Variants in PTPRN2 observed in about 807,000 individuals in gnomAD.
The protein encoded by PTPRN2 is protein tyrosine phosphatase receptor type N2.
Under a neutral mutation model 118.8 loss-of-function variants are expected in PTPRN2, and 74 were observed. The observed-to-expected ratio is 0.62, with a 90% confidence interval of 0.52 to 0.76. PTPRN2 has a LOEUF of 0.76. Among genes scored for constraint, PTPRN2 ranks in the 30% least tolerant of loss-of-function variants. The probability of loss-of-function intolerance (pLI) is 0.00; values close to 1 mark genes in which losing one functional copy is unlikely to be tolerated. For synonymous variants in PTPRN2, 641 were observed against 608.0 expected, an observed-to-expected ratio of 1.05 and a Z score of -0.80; for missense variants, 1,481 against 1,394.4, an observed-to-expected ratio of 1.06 and a Z score of -0.99.
Position 157,617,934 on chromosome 7 carries a change from TATC to T in PTPRN2, c.2344+3425_2344+3427del, listed in dbSNP as rs1433188063. ...TGTTTAGGATATGGCACCAAAATAG[TATC>T]ATATCCCTGTTCTTCATCTGAAATG... is the stretch of plus-strand genomic sequence containing the variant. On this transcript the variant is annotated intron_variant, in intron 15 of 22. Coordinates refer to ENST00000389418, the MANE Select transcript of PTPRN2 (RefSeq NM_002847.5). The surrounding 1 kb of genome is among the most constrained non-coding windows in gnomAD (Gnocchi z 7.5). 2.6e-5 allele frequency: 4 copies of T among 152,284 alleles called. No homozygotes were observed. The highest frequency in any genetic ancestry group is 1.3e-4 in the Admixed American group (2 of 15,290). 9.4% of individuals were successfully genotyped at this position (152,284 alleles called of 1,614,324 possible). A position where few individuals can be genotyped will look rare whatever the true frequency, so the allele number is the denominator to read the frequency against.
In PTPRN2 at chr7:157,678,504, G is replaced by A. The variant is rs138737544; in HGVS notation, c.2001+4221C>T. Among the ~76,000 whole-genome samples, 962 of 152,308 alleles carry A rather than the reference G, an allele frequency of 6.3e-3. 6 individuals are homozygous for A. The highest frequency in any genetic ancestry group is 0.01 in the Non-Finnish European group (684 of 68,022). ...CAGAACTCAGCTTTCTGCACCGGGG[G>A]TAAGAAGTCAGGGTGCATTTGGGAC... On this transcript the variant is annotated intron_variant, in intron 13 of 22. Transcript: ENST00000389418.
intron 11 of PTPRN2, among the ~76,000 whole-genome samples, chr7:157,942,929 G>C (rs1800238743): frequency 6.6e-6 from 1 of 152,140 alleles, no homozygotes; most frequent in African/African-American, 2.4e-5. Context: ...CACTCCCAAA[G>C]TCAAACACAC....
intron 22 of PTPRN2, among the ~76,000 whole-genome samples, chr7:157,544,002 G>A (rs1244068623): frequency 6.6e-6 from 1 of 152,098 alleles, no homozygotes; most frequent in Non-Finnish European, 1.5e-5. Context: ...GAGAGAGATG[G>A]AGAGCGGTGG....
At chr7:158,556,782 CTCCCACGCAGGTCAG>C (rs1261056157) in intron 1 of PTPRN2, among the ~76,000 whole-genome samples, 8 of 135,544 alleles carry the variant, frequency 5.9e-5, no homozygotes, top group African/African-American at 2.3e-4. Context: ...ACGCAGGTCG[CTCCCACGCAGGTCAG>C]GCGGCTCCCG....
At chr7:158,440,773 ATAG>A (rs1247857522) in intron 2 of PTPRN2, among the ~76,000 whole-genome samples, 5 of 116,610 alleles carry the variant, frequency 4.3e-5, no homozygotes, top group South Asian at 3.2e-4. Flanking sequence ...GATGTTAGTG[ATAG>A]TGGTGATGGT....
intron 12 of PTPRN2, among the ~76,000 whole-genome samples, chr7:157,809,863 G>A (rs1805873514): frequency 6.6e-6 from 1 of 152,216 alleles, no homozygotes; most frequent in Admixed American, 6.5e-5. Context: ...CCGTCTCACT[G>A]GCCCAGTCCT....
rs1814553472 is a variant in PTPRN2, at chr7:158,415,181, C to T, written c.163+74554G>A. Among the ~76,000 whole-genome samples, 3 of 152,236 alleles carry T rather than the reference C, an allele frequency of 2.0e-5. No individual in the cohort carries two copies. The South Asian group carries it at 6.2e-4, about 32-fold the overall frequency. ...AGGCCAGAAACCACACCTCAACTCC[C>T]TGCTTCCCAATTAATCTTTACTCTG... is the stretch of plus-strand genomic sequence containing the variant. On this transcript the variant is annotated intron_variant, in intron 2 of 22. Transcript: ENST00000389418.
At chr7:158,215,814 A>G (rs952060942) in intron 3 of PTPRN2, among the ~76,000 whole-genome samples, 3 of 152,188 alleles carry the variant, frequency 2.0e-5, no homozygotes, top group Non-Finnish European at 4.4e-5. Context: ...GGAAATAAAG[A>G]TATCCCCAGA....
At chr7:158,299,755 C>T (rs1183270641) in intron 3 of PTPRN2, among the ~76,000 whole-genome samples, 1 of 152,194 alleles carries the variant, frequency 6.6e-6, no homozygotes, top group Non-Finnish European at 1.5e-5. Context: ...TGCCACAGAG[C>T]TCCCTCACCT....
At chr7:158,386,460 C>A (rs4562259) in intron 2 of PTPRN2, among the ~76,000 whole-genome samples, 33 of 152,118 alleles carry the variant, frequency 2.2e-4, no homozygotes, top group Admixed American at 6.6e-4. Flanking sequence ...CAGGAGCTGC[C>A]TCCGTTCATC....
At chr7:158,005,316 C>T (rs1157057416) in intron 11 of PTPRN2, among the ~76,000 whole-genome samples, 6 of 152,102 alleles carry the variant, frequency 3.9e-5, no homozygotes, top group African/African-American at 7.2e-5. Context: ...TCATGTGATC[C>T]GCTCAACTCA....
At chr7:158,023,364 C>G (rs1164463592) in intron 11 of PTPRN2, among the ~76,000 whole-genome samples, 2 of 152,190 alleles carry the variant, frequency 1.3e-5, no homozygotes, top group African/African-American at 4.8e-5. Context: ...CATGGCTGCA[C>G]TCCGTGGCCA....
At chr7:158,203,865 C>T (rs1472067308) in intron 4 of PTPRN2, among the ~76,000 whole-genome samples, 1 of 152,244 alleles carries the variant, frequency 6.6e-6, no homozygotes, top group Non-Finnish European at 1.5e-5. Context: ...CAGACTATAA[C>T]AGCACATTCT....
chr7:157,846,460 C>T (rs1808807949), intron 12 of PTPRN2, among the ~76,000 whole-genome samples: 1 of 151,962 alleles, frequency 6.6e-6, no homozygotes, highest in African/African-American at 2.4e-5. Flanking sequence ...ACACCCTTTC[C>T]CCTCCCCTGG....
At position 157,831,039 on chromosome 7, in the gene PTPRN2, A is replaced by G. The variant is rs1455319294; in HGVS notation, c.1788+67634T>C. On this transcript the variant is annotated intron_variant, in intron 12 of 22. Coordinates refer to ENST00000389418, the MANE Select transcript of PTPRN2 (RefSeq NM_002847.5). This position sits in a 1 kb window ranked among gnomAD's most constrained non-coding sequence, Gnocchi z 4.8. ...GAGTTGCAGGCATGACTGAGAGCTCAAAGTTGGTGACTCTGGAGGAAGAGG... is the reference window on the plus strand; with the variant it reads ...GAGTTGCAGGCATGACTGAGAGCTCGAAGTTGGTGACTCTGGAGGAAGAGG... 1.3e-5 allele frequency among the ~76,000 whole-genome samples: 2 copies of G among 152,236 alleles called. No individual in the cohort carries two copies. Among genetic ancestry groups the G allele is most frequent in the Non-Finnish European group, 2.9e-5 (2 of 68,036 alleles).
chr7:157,757,925 G>C (rs1361645348), intron 12 of PTPRN2, among the ~76,000 whole-genome samples: 1 of 152,198 alleles, frequency 6.6e-6, no homozygotes, highest in Non-Finnish European at 1.5e-5. Context: ...TGGATCTCCC[G>C]CAGGGCCCTG....
intron 1 of PTPRN2, among the ~76,000 whole-genome samples, chr7:158,499,254 A>T (rs1822181022): frequency 6.6e-6 from 1 of 152,120 alleles, no homozygotes; most frequent in African/African-American, 2.4e-5. Flanking sequence ...GAGTATTTCT[A>T]TTCCCTGGGC....
intron 2 of PTPRN2, among the ~76,000 whole-genome samples, chr7:158,333,483 A>G (rs1378109347): frequency 1.4e-5 from 2 of 147,138 alleles, no homozygotes; most frequent in African/African-American, 5.4e-5. Context: ...ATAAGAGGTG[A>G]CACCTGGAGA....
At chr7:158,181,804 CTCTTCATT>C (rs1169674921) in intron 5 of PTPRN2, among the ~76,000 whole-genome samples, 1 of 152,064 alleles carries the variant, frequency 6.6e-6, no homozygotes, top group Non-Finnish European at 1.5e-5. Context: ...TTAATCTTCA[CTCTTCATT>C]TCTTGATTAA....
Sources: gnomAD v4.1 joint callset for allele counts (sites outside exome capture counted in the v4.1 genomes callset) on GRCh38, gnomAD v4.1.1 for gene constraint, Gnocchi (gnomAD v3.1) non-coding constraint, MANE v1.5 for transcripts, NCBI Gene and HGNC (gene_info 2026-07-23, HGNC 2026-07-21) for gene names.